The following GALNT7 variants were observed in gnomAD, a reference collection of about 807,000 sequenced individuals.
GALNT7 encodes N-acetylgalactosaminyltransferase 7.
In GALNT7, 60 loss-of-function variants were observed where a neutral mutation model predicts 82.1. The observed-to-expected ratio is 0.73, with a 90% CI of 0.59 to 0.91. The LOEUF is 0.91. GALNT7 is among the 40% of genes least tolerant of loss of function. The pLI, the probability that GALNT7 is intolerant of heterozygous loss-of-function variation, is 0.00. For synonymous variants in GALNT7, 243 were observed against 275.1 expected, an observed-to-expected ratio of 0.88 and a Z score of 1.15; for missense variants, 660 against 804.2, an observed-to-expected ratio of 0.82 and a Z score of 2.17.
intron 1 of GALNT7, among the ~76,000 whole-genome samples, chr4:173,237,518 CTCAG>C (rs751680230): frequency 6.6e-6 from 1 of 152,142 alleles, no homozygotes; most frequent in East Asian, 1.9e-4. Flanking sequence ...TCATTCTGCT[CTCAG>C]TCAGTAAAAT....
At chr4:173,213,819 T>C (rs1239928684) in intron 1 of GALNT7, among the ~76,000 whole-genome samples, 1 of 152,160 alleles carries the variant, frequency 6.6e-6, no homozygotes, top group Non-Finnish European at 1.5e-5. Context: ...TTGCTGGCCA[T>C]TATGTTTTTA....
chr4:173,273,000 C>G (rs1735784127), intron 2 of GALNT7, among the ~76,000 whole-genome samples: 1 of 152,164 alleles, frequency 6.6e-6, no homozygotes, highest in South Asian at 2.1e-4. Flanking sequence ...ACCTGTCTTG[C>G]AACCAATCCT....
At chr4:173,278,024 G>A (rs942013828) in intron 2 of GALNT7, among the ~76,000 whole-genome samples, 11 of 152,168 alleles carry the variant, frequency 7.2e-5, no homozygotes, top group African/African-American at 2.7e-4. Flanking sequence ...AACTGGAGGT[G>A]GGAAAATACT....
At chr4:173,212,590 T>C (rs1733315793) in intron 1 of GALNT7, among the ~76,000 whole-genome samples, 1 of 150,692 alleles carries the variant, frequency 6.6e-6, no homozygotes, top group Admixed American at 6.6e-5. Context: ...TCCCTTCCAG[T>C]GCTAGTTTGC....
At position 173,318,442 on chromosome 4, in the gene GALNT7, C is replaced by G. The variant is rs147955065; in HGVS notation, c.1719C>G (p.Ile573Met). The G allele has an allele frequency of 8.1e-6, 13 of 1,601,566 alleles. No homozygotes were observed. In the African/African-American group the frequency reaches 1.8e-4, roughly 22 times the overall value. The change falls in exon 11 of 12, where the codon ATC (isoleucine) becomes ATG (methionine). Residue 573 changes from isoleucine to methionine, a missense_variant. By Grantham distance (10) the Ile-to-Met change is conservative. Transcript: ENST00000265000. ...HRMGGNQLFR[I>M]NEANQLMQYD... ...TTTTCCTTTTACAGCTTTTCAGAAT[C>G]AATGAAGCAAATCAACTCATGCAGT...
chr4:173,308,500 G>A (rs924164063), intron 8 of GALNT7, among the ~76,000 whole-genome samples: 10 of 152,082 alleles, frequency 6.6e-5, no homozygotes, highest in Non-Finnish European at 1.0e-4. Context: ...TTTTTGAACA[G>A]TGCTTACAAA....
In GALNT7 at chr4:173,197,063, CTTTT is replaced by C. The variant is rs5864189; in HGVS notation, c.126+28119_126+28122del. 9.2e-3 allele frequency among the ~76,000 whole-genome samples: 1,081 copies of C among 117,954 alleles called. 33 individuals carry two copies. Among genetic ancestry groups the C allele is most frequent in the Admixed American group, 0.074 (785 of 10,674 alleles). The allele number at this position is 117,954 out of a possible 152,430, so 77.4% of individuals were successfully genotyped here. A position where few individuals can be genotyped will look rare whatever the true frequency, so the allele number is the denominator to read the frequency against. ...TTAGATTCTCTATCTCTCTCTCTCCCTTTTTTTTTTTTTTTTTTTTGACAGGTAA... is the reference window on the plus strand; with the variant it reads ...TTAGATTCTCTATCTCTCTCTCTCCCTTTTTTTTTTTTTTTTGACAGGTAA... On this transcript the variant is annotated intron_variant, in intron 1 of 11. Transcript: ENST00000265000.
chr4:173,289,959 A>C (rs1326111836), intron 2 of GALNT7, among the ~76,000 whole-genome samples: 2 of 152,218 alleles, frequency 1.3e-5, no homozygotes, highest in African/African-American at 2.4e-5. Context: ...TGGGGTGAAG[A>C]ATAGACATTA....
intron 5 of GALNT7, among the ~76,000 whole-genome samples, chr4:173,296,310 C>T (rs1579999931): frequency 6.6e-6 from 1 of 152,146 alleles, no homozygotes; most frequent in East Asian, 1.9e-4. Flanking sequence ...AAATAGACAA[C>T]TATTCCATGG....
intron 1 of GALNT7, among the ~76,000 whole-genome samples, chr4:173,235,222 T>C: frequency 6.6e-6 from 1 of 152,212 alleles, no homozygotes; most frequent in East Asian, 1.9e-4. Flanking sequence ...GTTTTCAAAA[T>C]GCTTCTGTCC....
chr4:173,315,351 TG>T (rs1170267644), intron 9 of GALNT7, among the ~76,000 whole-genome samples: 3 of 152,158 alleles, frequency 2.0e-5, no homozygotes, highest in Admixed American at 6.5e-5. Context: ...GTTGGTGTTC[TG>T]GGCATGTGAA....
intron 5 of GALNT7, 48 bp downstream of exon 5, chr4:173,295,891 T>C (rs1160491988): frequency 2.0e-6 from 2 of 1,017,036 alleles, no homozygotes; most frequent in Non-Finnish European, 3.1e-6. Context: ...GTAAACCTTG[T>C]CCTAGAAGGG....
intron 8 of GALNT7, among the ~76,000 whole-genome samples, chr4:173,309,465 TA>T (rs1226454707): frequency 6.6e-6 from 1 of 152,184 alleles, no homozygotes; most frequent in Non-Finnish European, 1.5e-5. Context: ...TAGTGACACT[TA>T]GGGGTGGCAT....
intron 1 of GALNT7, among the ~76,000 whole-genome samples, chr4:173,178,064 CGT>C (rs1179749851): frequency 0.033 from 4,730 of 143,880 alleles, 136 homozygotes; most frequent in African/African-American, 0.087. Context: ...CGCGCACGCG[CGT>C]GCGCACAGAC....
At chr4:173,180,509 G>A (rs1238117364) in intron 1 of GALNT7, among the ~76,000 whole-genome samples, 2 of 151,976 alleles carry the variant, frequency 1.3e-5, no homozygotes, top group Middle Eastern at 6.3e-3. Flanking sequence ...TGTATTTTTA[G>A]TAGAGATGGG....
chr4:173,219,134 G>A (rs1415380198), intron 1 of GALNT7, among the ~76,000 whole-genome samples: 1 of 151,890 alleles, frequency 6.6e-6, no homozygotes, highest in East Asian at 1.9e-4. Flanking sequence ...CTCCCTCCCA[G>A]TCTTTCCCGA....
intron 2 of GALNT7, among the ~76,000 whole-genome samples, chr4:173,287,707 A>T (rs1389015385): frequency 6.6e-6 from 1 of 152,218 alleles, no homozygotes; most frequent in Non-Finnish European, 1.5e-5. Context: ...ATAACTAGTC[A>T]TGCTCATCTG....
intron 5 of GALNT7, among the ~76,000 whole-genome samples, chr4:173,297,171 C>G (rs531400567): frequency 5.5e-4 from 83 of 151,326 alleles, no homozygotes; most frequent in South Asian, 6.3e-4. Flanking sequence ...ATTCTCAGAC[C>G]ACTTCTGAAG....
intron 2 of GALNT7, among the ~76,000 whole-genome samples, chr4:173,262,867 ATCT>A (rs1735333365): frequency 6.6e-6 from 1 of 152,200 alleles, no homozygotes; most frequent in African/African-American, 2.4e-5. Context: ...AAATTAATAA[ATCT>A]TCATCAAGGA....
Sources: allele counts gnomAD v4.1 joint callset (sites outside exome capture counted in the v4.1 genomes callset), GRCh38; gene constraint gnomAD v4.1.1; transcripts MANE v1.5; gene names NCBI Gene and HGNC (gene_info 2026-07-23, HGNC 2026-07-21).